Variants in LRRC7 observed in about 807,000 individuals in gnomAD.
The protein encoded by LRRC7 is leucine rich repeat containing 7.
Under a neutral mutation model 175.7 loss-of-function variants are expected in LRRC7, and 23 were observed. The ratio of observed to expected loss-of-function variants is 0.13; its 90% confidence interval spans 0.09 to 0.19. The LOEUF (loss-of-function observed/expected upper bound fraction) is 0.19, where lower values mean the gene tolerates loss of function less well. Among genes scored for constraint, LRRC7 ranks in the 10% least tolerant of loss-of-function variants. LRRC7 has a pLI of 1.00. For synonymous variants in LRRC7, 685 were observed against 680.9 expected (o/e 1.01, Z -0.09); for missense variants, 1,354 against 1,904.7 (o/e 0.71, Z 5.38).
At chr1:69,847,921 T>G (rs914661610) in intron 7 of LRRC7, among the ~76,000 whole-genome samples, 2 of 152,156 alleles carry the variant, frequency 1.3e-5, no homozygotes, top group Non-Finnish European at 2.9e-5. Flanking sequence ...TTGTCATAGC[T>G]TGAAGTCAAC....
At chr1:69,645,087 ACT>A (rs1557536321) in intron 1 of LRRC7, among the ~76,000 whole-genome samples, 14 of 151,708 alleles carry the variant, frequency 9.2e-5, no homozygotes, top group Non-Finnish European at 1.0e-4. Flanking sequence ...TAACTTGTAC[ACT>A]ACATTGTATC....
chr1:70,015,245 T>TA (rs1656864957), intron 13 of LRRC7, among the ~76,000 whole-genome samples: 1 of 152,024 alleles, frequency 6.6e-6, no homozygotes, highest in African/African-American at 2.4e-5. Flanking sequence ...TCAGAAAGGT[T>TA]ACTATATTTT....
Position 69,642,520 on chromosome 1 carries a change from G to C in LRRC7, c.3-35861G>C, listed in dbSNP as rs539993632. 3.9e-5 allele frequency among the ~76,000 whole-genome samples: 6 copies of C among 152,090 alleles called. No individual in the cohort carries two copies. In the South Asian group the frequency reaches 1.0e-3, roughly 26 times the overall value. On this transcript the variant is annotated intron_variant, in intron 1 of 26. Coordinates refer to ENST00000651989, the MANE Select transcript of LRRC7 (RefSeq NM_001370785.2). ...TTTTTAGGCAGACAAGACAGAATCT[G>C]TTCATGAGGAGTTTCTCTTTCTTTC...
chr1:70,096,150 G>T (rs1339122992), intron 25 of LRRC7, among the ~76,000 whole-genome samples: 2 of 152,116 alleles, frequency 1.3e-5, no homozygotes, highest in East Asian at 3.9e-4. Context: ...GCTAATTTTT[G>T]TATTTTAGTA....
Position 69,596,666 on chromosome 1 carries a change from A to G in LRRC7, c.2+28025A>G, listed in dbSNP as rs113196473. Among the ~76,000 whole-genome samples the G allele has an allele frequency of 1.4e-3, 218 of 152,356 alleles. 1 individual carries two copies. Among genetic ancestry groups the G allele is most frequent in the African/African-American group, 4.9e-3 (202 of 41,590 alleles). ...TTTGAATATTGGAAAAATCTGTCAC[A>G]AGATTTAGCTAAAAGCTAAATCACT... is the stretch of plus-strand genomic sequence containing the variant. On this transcript the variant is annotated intron_variant, in intron 1 of 26. Transcript: ENST00000651989.
chr1:69,752,776 A>G (rs952974073), intron 2 of LRRC7, among the ~76,000 whole-genome samples: 2 of 152,168 alleles, frequency 1.3e-5, no homozygotes, highest in African/African-American at 2.4e-5. Context: ...AATATCATTC[A>G]AGAGAGAAGG....
intron 4 of LRRC7, among the ~76,000 whole-genome samples, chr1:69,799,183 G>A (rs1044487397): frequency 4.8e-5 from 7 of 146,182 alleles, no homozygotes; most frequent in East Asian, 2.0e-4. Flanking sequence ...GATGCCATTT[G>A]TCATAAAGAA....
intron 26 of LRRC7, among the ~76,000 whole-genome samples, chr1:70,109,795 A>G (rs566432460): frequency 6.6e-6 from 1 of 152,342 alleles, no homozygotes; most frequent in East Asian, 1.9e-4. Flanking sequence ...CATTTGGTAA[A>G]TGCTGCTCAT....
intron 1 of LRRC7, among the ~76,000 whole-genome samples, chr1:69,641,735 G>T (rs1199287861): frequency 6.6e-6 from 1 of 151,064 alleles, no homozygotes; most frequent in Non-Finnish European, 1.5e-5. Flanking sequence ...TTTTTTTTTA[G>T]AACTTAAACA....
intron 26 of LRRC7, among the ~76,000 whole-genome samples, chr1:70,113,879 T>C (rs1665676024): frequency 6.6e-6 from 1 of 152,176 alleles, no homozygotes; most frequent in African/African-American, 2.4e-5. Flanking sequence ...ACAGTCCTCT[T>C]TACCAAAGCA....
At chr1:69,707,702 T>A (rs914275298) in intron 2 of LRRC7, among the ~76,000 whole-genome samples, 4 of 152,138 alleles carry the variant, frequency 2.6e-5, no homozygotes, top group Non-Finnish European at 4.4e-5. Flanking sequence ...CAAACATGCA[T>A]AATAAAAATG....
intron 1 of LRRC7, among the ~76,000 whole-genome samples, chr1:69,627,416 G>A (rs1651773300): frequency 6.6e-6 from 1 of 152,002 alleles, no homozygotes; most frequent in Admixed American, 6.5e-5. Context: ...CTTTTTGATG[G>A]GGTTGTTTGA....
chr1:69,804,941 T>G (rs1335209094), intron 4 of LRRC7, among the ~76,000 whole-genome samples: 2 of 151,828 alleles, frequency 1.3e-5, no homozygotes, highest in Admixed American at 6.6e-5. Flanking sequence ...AGTCTGATTG[T>G]TGATTTGTCA....
At chr1:69,975,265 A>C (rs1044993688) in intron 8 of LRRC7, among the ~76,000 whole-genome samples, 1 of 152,176 alleles carries the variant, frequency 6.6e-6, no homozygotes, top group African/African-American at 2.4e-5. Flanking sequence ...AAATCATGAA[A>C]GGCCTTATGT....
chr1:69,827,292 A>T (rs1483273227), intron 5 of LRRC7, among the ~76,000 whole-genome samples: 1 of 152,082 alleles, frequency 6.6e-6, no homozygotes, highest in Non-Finnish European at 1.5e-5. Flanking sequence ...CTTATTTAGG[A>T]ATCATGGTAG....
intron 7 of LRRC7, among the ~76,000 whole-genome samples, chr1:69,926,895 C>T (rs1246716830): frequency 2.0e-5 from 3 of 152,158 alleles, no homozygotes; most frequent in African/African-American, 7.2e-5. Flanking sequence ...GCAGTTTCTT[C>T]GTAGCCTCAA....
chr1:69,685,449 A>G (rs964513393), intron 2 of LRRC7, among the ~76,000 whole-genome samples: 3 of 152,276 alleles, frequency 2.0e-5, no homozygotes, highest in African/African-American at 7.2e-5. Context: ...CATCCATCAT[A>G]AGAATGCTTC....
intron 8 of LRRC7, among the ~76,000 whole-genome samples, chr1:69,957,021 ATCT>A (rs71728404): frequency 0.071 from 10,809 of 151,742 alleles, 407 homozygotes; most frequent in South Asian, 0.11. Context: ...GATGACACTA[ATCT>A]TCTTTTTTCA....
Position 70,021,087 on chromosome 1 carries a change from T to G in LRRC7, c.1503T>G (p.Phe501Leu), listed in dbSNP as rs1234484430. Residue 501 changes from phenylalanine to leucine, a missense_variant, in exon 16 of 27, where the codon TTT (phenylalanine) becomes TTG (leucine). By Grantham distance (22) the Phe-to-Leu change is conservative (BLOSUM62 0). Coordinates refer to ENST00000651989, the MANE Select transcript of LRRC7 (RefSeq NM_001370785.2). ...RQQRMTVAFE[F>L]EDKKEDDENA... Reference sequence around the variant, plus strand: ...AACGCATGACTGTTGCCTTTGAATTTGAAGACAAAAAAGAAGATGACGAAA... The same window carrying G: ...AACGCATGACTGTTGCCTTTGAATTGGAAGACAAAAAAGAAGATGACGAAA... 1.2e-6 allele frequency: 2 copies of G among 1,612,750 alleles called. No individual in the cohort carries two copies. The highest frequency in any genetic ancestry group is 1.3e-5 in the African/African-American group (1 of 75,008).
Sources: gnomAD v4.1 joint callset for allele counts (sites outside exome capture counted in the v4.1 genomes callset) on GRCh38, gnomAD v4.1.1 for gene constraint, MANE v1.5 for transcripts, NCBI Gene and HGNC (gene_info 2026-07-23, HGNC 2026-07-21) for gene names.